TMEM117: variants seen among roughly 807,000 people sequenced by gnomAD.
TMEM117 encodes transmembrane protein 117.
In TMEM117, 27 loss-of-function variants were observed where a neutral mutation model predicts 52.4. That is an observed-to-expected ratio of 0.51 (90% CI 0.38 to 0.71). The LOEUF (loss-of-function observed/expected upper bound fraction) is 0.71. TMEM117 is among the 30% of genes least tolerant of loss of function. The pLI, the probability that TMEM117 is intolerant of heterozygous loss-of-function variation, is 0.00. For synonymous variants in TMEM117, 215 were observed against 206.3 expected (o/e 1.04, Z -0.36); for missense variants, 556 against 630.5 (o/e 0.88, Z 1.26).
chr12:44,104,818 A>T (rs768786669), intron 3 of TMEM117, among the ~76,000 whole-genome samples: 2 of 151,972 alleles, frequency 1.3e-5, no homozygotes, highest in African/African-American at 4.8e-5. Context: ...TTCTTGCTGT[A>T]TGGCTTCTGA....
In TMEM117 at chr12:43,994,108, A is replaced by G. The variant is rs891189337; in HGVS notation, c.410+49766A>G. 5.9e-5 allele frequency among the ~76,000 whole-genome samples: 9 copies of G among 152,332 alleles called. 1 individual carries two copies. The highest frequency in any genetic ancestry group is 1.9e-4 in the African/African-American group (8 of 41,578). ...CTAAGTCAGGGACCAACCTGAGTCC[A>G]TGGAAGGCCTATAAATGTCTTCTGG... On this transcript the variant is annotated intron_variant, in intron 3 of 7. Coordinates refer to ENST00000266534, the MANE Select transcript of TMEM117 (RefSeq NM_032256.3).
chr12:44,152,274 A>G (rs1388298292), intron 4 of TMEM117, among the ~76,000 whole-genome samples: 1 of 106,118 alleles, frequency 9.4e-6, no homozygotes, highest in Non-Finnish European at 1.6e-5. Flanking sequence ...AATCATATTT[A>G]TATTATATAT....
At chr12:44,119,923 G>A (rs1193927844) in intron 3 of TMEM117, among the ~76,000 whole-genome samples, 1 of 152,168 alleles carries the variant, frequency 6.6e-6, no homozygotes, top group Non-Finnish European at 1.5e-5. Flanking sequence ...ATGGGCAGTG[G>A]TGAAGGATGC....
chr12:43,818,792 A>G, the TMEM117 span, among the ~76,000 whole-genome samples: 10 of 152,270 alleles, frequency 6.6e-5, no homozygotes, highest in Admixed American at 6.5e-4. Context: ...TTATGGTCTC[A>G]GTTCAGATTT....
intron 3 of TMEM117, among the ~76,000 whole-genome samples, chr12:44,133,027 T>G (rs1948439144): frequency 6.6e-6 from 1 of 152,168 alleles, no homozygotes; most frequent in Non-Finnish European, 1.5e-5. Context: ...TTCCATAATA[T>G]CTTTGGGAAT....
intron 7 of TMEM117, among the ~76,000 whole-genome samples, chr12:44,379,585 G>A (rs1951991677): frequency 6.6e-6 from 1 of 152,180 alleles, no homozygotes; most frequent in Non-Finnish European, 1.5e-5. Context: ...TGGCTGAAGA[G>A]ATTGCTGAGG....
rs145509777 is a variant in TMEM117 at position 43,896,055 on chromosome 12, T to C, written c.278-48155T>C. Among the ~76,000 whole-genome samples the C allele has an allele frequency of 7.9e-5, 12 of 152,304 alleles. No homozygotes were observed. In the East Asian group the frequency reaches 1.9e-3, roughly 24 times the overall value. On this transcript the variant is annotated intron_variant, in intron 2 of 7. Transcript: ENST00000266534. ...GCCTTTCCCAGTCCTCTGACTCAAA[T>C]GTCAGTCTCCTTTGGCAGCACCCTT...
chr12:44,294,096 G>A (rs900199143), intron 5 of TMEM117, among the ~76,000 whole-genome samples: 51 of 151,968 alleles, frequency 3.4e-4, no homozygotes, highest in African/African-American at 1.0e-3. Flanking sequence ...TTAACTCTTC[G>A]TTTCCTGAAC....
the TMEM117 span, among the ~76,000 whole-genome samples, chr12:43,829,917 G>A: frequency 6.6e-6 from 1 of 151,840 alleles, no homozygotes; most frequent in Non-Finnish European, 1.5e-5. Flanking sequence ...GTGAAACCCC[G>A]TCTCTACCAA....
In TMEM117 at chr12:44,002,187, C is replaced by T. The variant is rs11829320; in HGVS notation, c.410+57845C>T. ...GGAGACAGCCAAGAGAACACCTGCA[C>T]GAGGCTTCAACATAGAGAATGCCAC... On this transcript the variant is annotated intron_variant, in intron 3 of 7. Coordinates refer to ENST00000266534, the MANE Select transcript of TMEM117 (RefSeq NM_032256.3). 7.6e-3 allele frequency among the ~76,000 whole-genome samples: 1,154 copies of T among 152,284 alleles called. 19 individuals carry two copies. The highest frequency in any genetic ancestry group is 0.026 in the African/African-American group (1,082 of 41,558).
At chr12:43,831,708 T>C (rs1279393366), upstream of TMEM117, among the ~76,000 whole-genome samples, 1 of 152,304 alleles carries the variant, frequency 6.6e-6, no homozygotes, top group East Asian at 1.9e-4. Flanking sequence ...CACTCCTGGC[T>C]AATTTTTGTA....
At chr12:44,274,134 C>T (rs147864541) in intron 5 of TMEM117, among the ~76,000 whole-genome samples, 1,762 of 152,126 alleles carry the variant, frequency 0.012, 24 homozygotes, top group South Asian at 0.052. Flanking sequence ...AATCAACATA[C>T]AAAAATCAGT....
chr12:44,092,740 A>G (rs1387163232), intron 3 of TMEM117, among the ~76,000 whole-genome samples: 1 of 152,176 alleles, frequency 6.6e-6, no homozygotes, highest in Non-Finnish European at 1.5e-5. Context: ...GTAGATCCTA[A>G]GAGGCTAAGA....
At chr12:44,234,760 A>T (rs1949974051) in intron 5 of TMEM117, among the ~76,000 whole-genome samples, 1 of 151,436 alleles carries the variant, frequency 6.6e-6, no homozygotes, top group South Asian at 2.1e-4. Flanking sequence ...AGCATTGTTT[A>T]CTTATCTATT....
At chr12:44,249,071 G>A (rs1228390965) in intron 5 of TMEM117, 1 of 152,190 alleles carries the variant, frequency 6.6e-6, no homozygotes, top group Non-Finnish European at 1.5e-5. Context: ...TTTCTGAAGA[G>A]GCCTCAAGGA....
At chr12:43,814,377 C>T in the TMEM117 span, among the ~76,000 whole-genome samples, 1 of 152,066 alleles carries the variant, frequency 6.6e-6, no homozygotes, top group Non-Finnish European at 1.5e-5. Flanking sequence ...TTTCTATTCT[C>T]TTCCCTACCA....
intron 3 of TMEM117, chr12:44,008,960 C>T (rs1027404744): frequency 2.7e-6 from 1 of 375,762 alleles, no homozygotes; most frequent in Non-Finnish European, 5.3e-6. Flanking sequence ...CCTTGTGTCA[C>T]ATTGGTGACG....
intron 3 of TMEM117, among the ~76,000 whole-genome samples, chr12:44,124,893 A>G (rs1053210495): frequency 2.0e-5 from 3 of 151,758 alleles, no homozygotes; most frequent in Non-Finnish European, 4.4e-5. Flanking sequence ...CCAGGTTTTG[A>G]TATCTTGAGG....
At chr12:44,337,850 GT>G (rs1181432134) in intron 6 of TMEM117, among the ~76,000 whole-genome samples, 2 of 152,066 alleles carry the variant, frequency 1.3e-5, no homozygotes, top group South Asian at 2.1e-4. Flanking sequence ...TATAAATCAA[GT>G]GCTGATGAAG....
Sources: gnomAD v4.1 joint callset for allele counts (sites outside exome capture counted in the v4.1 genomes callset) on GRCh38, gnomAD v4.1.1 for gene constraint, MANE v1.5 for transcripts, NCBI Gene and HGNC (gene_info 2026-07-23, HGNC 2026-07-21) for gene names.